ATG5: variants seen among roughly 807,000 people sequenced by gnomAD.
ATG5 encodes autophagy protein 5.
ATG5 carries 14 observed loss-of-function variants against 36.5 expected under a neutral mutation model. The observed-to-expected ratio is 0.38, with a 90% CI of 0.25 to 0.60. The LOEUF is 0.60. Among genes scored for constraint, ATG5 ranks in the 20% least tolerant of loss-of-function variants. The pLI is 0.60. For missense variants in ATG5, 195 were observed against 326.7 expected (o/e 0.60, Z 3.11); for synonymous variants, 95 against 101.5 (o/e 0.94, Z 0.38).
In ATG5 at chr6:106,190,092, T is replaced by C. The variant is rs564797149; in HGVS notation, c.692-3416A>G. ...TAAAATAATAAAATATTCATTGTAG[T>C]CCATATTCAAATTTATCAACTATCC... On this transcript the variant is annotated intron_variant, in intron 7 of 7. Transcript: ENST00000369076. 1.9e-4 allele frequency among the ~76,000 whole-genome samples: 29 copies of C among 152,334 alleles called. 1 individual carries two copies. Among genetic ancestry groups the C allele is most frequent in the African/African-American group, 6.5e-4 (27 of 41,594 alleles).
intron 5 of ATG5, among the ~76,000 whole-genome samples, chr6:106,268,818 C>T (rs1051758861): frequency 2.0e-5 from 3 of 151,700 alleles, no homozygotes; most frequent in African/African-American, 4.8e-5. Flanking sequence ...TTAGTGGGAG[C>T]TGAACAACAA....
At chr6:106,324,174 A>G (rs1378736273) in intron 1 of ATG5, among the ~76,000 whole-genome samples, 2 of 152,162 alleles carry the variant, frequency 1.3e-5, no homozygotes, top group Admixed American at 6.5e-5. Flanking sequence ...CCAATCATGG[A>G]TGAAAAAATA....
At position 106,221,996 on chromosome 6, in the gene ATG5, A is replaced by G. The variant is rs150584806; in HGVS notation, c.574-19907T>C. 3.9e-5 allele frequency among the ~76,000 whole-genome samples: 6 copies of G among 152,136 alleles called. No individual in the cohort carries two copies. The East Asian group carries it at 1.2e-3, about 29-fold the overall frequency. On this transcript the variant is annotated intron_variant, in intron 6 of 7. Transcript: ENST00000369076. The stretch of plus-strand genomic sequence containing the variant: ...AATGTCTGCCTTCCAGGTTCAAGCA[A>G]TCCTTGTGCCTCAGCCTCCTGAGTA...
chr6:106,325,254 G>A (rs1771244037), intron 1 of ATG5: 1 of 152,246 alleles, frequency 6.6e-6, no homozygotes, highest in South Asian at 2.1e-4. Flanking sequence ...TAGAGCCTGC[G>A]ACTAGACTCT....
At chr6:106,225,326 G>A (rs1363009454) in intron 6 of ATG5, among the ~76,000 whole-genome samples, 4 of 151,954 alleles carry the variant, frequency 2.6e-5, no homozygotes, top group African/African-American at 4.8e-5. Context: ...CAAGGTTATC[G>A]GAAAACCTAT....
At chr6:106,229,572 T>C (rs1164530076) in intron 6 of ATG5, among the ~76,000 whole-genome samples, 2 of 126,976 alleles carry the variant, frequency 1.6e-5, no homozygotes, top group Non-Finnish European at 3.5e-5. Context: ...AAAAAAACAG[T>C]GTGCCCTATT....
chr6:106,212,416 G>T (rs529628819), intron 6 of ATG5, among the ~76,000 whole-genome samples: 1 of 152,194 alleles, frequency 6.6e-6, no homozygotes, highest in Non-Finnish European at 1.5e-5. Context: ...CAAGGCGGGC[G>T]GATCACCTGA....
intron 5 of ATG5, among the ~76,000 whole-genome samples, chr6:106,256,238 G>C (rs1452984389): frequency 1.3e-5 from 2 of 152,144 alleles, no homozygotes; most frequent in African/African-American, 4.8e-5. Context: ...CTATTAATCT[G>C]TTAATGATTA....
At chr6:106,207,899 C>T (rs1346240191) in intron 6 of ATG5, among the ~76,000 whole-genome samples, 5 of 152,154 alleles carry the variant, frequency 3.3e-5, no homozygotes, top group Non-Finnish European at 7.3e-5. Context: ...CGAGACCAGC[C>T]TGGCCAATAT....
At chr6:106,236,735 G>GA (rs1007593489) in intron 6 of ATG5, among the ~76,000 whole-genome samples, 5 of 152,158 alleles carry the variant, frequency 3.3e-5, no homozygotes, top group Non-Finnish European at 5.9e-5. Flanking sequence ...GTCTTGGAAT[G>GA]AAAAATTAAA....
rs533294106 is a variant in ATG5, at chr6:106,323,080, G to A, written c.-59+2446C>T. ...ACTACAAGCGCTTGCCACCAGGCTC[G>A]GGTTTGTTTTTTTTGTTTGTTTGTT... On this transcript the variant is annotated intron_variant, in intron 1 of 7. Coordinates refer to ENST00000369076, the MANE Select transcript of ATG5 (RefSeq NM_004849.4). Among the ~76,000 whole-genome samples, 7 of 151,824 alleles carry A rather than the reference G, an allele frequency of 4.6e-5. No individual in the cohort carries two copies. In the East Asian group the frequency reaches 1.2e-3, roughly 25 times the overall value.
intron 6 of ATG5, among the ~76,000 whole-genome samples, chr6:106,240,025 C>T (rs761329826): frequency 6.6e-6 from 1 of 151,750 alleles, no homozygotes; most frequent in Non-Finnish European, 1.5e-5. Flanking sequence ...CGGGGTCTTG[C>T]TCTGTTGACC....
chr6:106,202,279 C>G (rs1436628150), intron 6 of ATG5, 190 bp from the exon 7 acceptor site: 2 of 474,534 alleles, frequency 4.2e-6, no homozygotes, highest in Admixed American at 7.2e-5. Flanking sequence ...AAATCTAATT[C>G]TGAGGAAACA....
chr6:106,304,895 C>T (rs947518171), intron 3 of ATG5, among the ~76,000 whole-genome samples: 3 of 152,132 alleles, frequency 2.0e-5, no homozygotes, highest in Admixed American at 6.5e-5. Flanking sequence ...AGTTCAAGAC[C>T]AGCCTGGCCA....
chr6:106,324,969 C>T (rs1161856123), intron 1 of ATG5, among the ~76,000 whole-genome samples: 2 of 152,152 alleles, frequency 1.3e-5, no homozygotes, highest in Non-Finnish European at 2.9e-5. Context: ...ACCTCCTCAC[C>T]CCTCAGAAAA....
At chr6:106,315,145 T>G (rs1248146276) in intron 2 of ATG5, among the ~76,000 whole-genome samples, 2 of 152,166 alleles carry the variant, frequency 1.3e-5, no homozygotes, top group Non-Finnish European at 2.9e-5. Context: ...CTTCCTCCAG[T>G]AATCTGACTT....
intron 2 of ATG5, among the ~76,000 whole-genome samples, chr6:106,311,832 C>T (rs1331489834): frequency 7.1e-6 from 1 of 141,414 alleles, no homozygotes; most frequent in Admixed American, 7.1e-5. Flanking sequence ...TGATCTCCTT[C>T]TTTTTTTTTT....
chr6:106,197,844 G>C (rs370092827), intron 7 of ATG5, among the ~76,000 whole-genome samples: 1 of 151,992 alleles, frequency 6.6e-6, no homozygotes, highest in African/African-American at 2.4e-5. Flanking sequence ...AACACAAACA[G>C]ACTAACACAG....
At chr6:106,229,094 A>C (rs1777562993) in intron 6 of ATG5, among the ~76,000 whole-genome samples, 1 of 152,222 alleles carries the variant, frequency 6.6e-6, no homozygotes, top group Non-Finnish European at 1.5e-5. Context: ...GTGTAGCCCC[A>C]AAATTCTCCT....
Sources: allele counts gnomAD v4.1 joint callset (sites outside exome capture counted in the v4.1 genomes callset), GRCh38; gene constraint gnomAD v4.1.1; transcripts MANE v1.5; gene names NCBI Gene and HGNC (gene_info 2026-07-23, HGNC 2026-07-21).